The following GGA2 variants were observed in gnomAD, a reference collection of about 807,000 sequenced individuals.
GGA2 encodes golgi associated, gamma adaptin ear containing, ARF binding protein 2.
GGA2 carries 48 observed loss-of-function variants against 79.5 expected under a neutral mutation model. The observed-to-expected ratio is 0.60, with a 90% CI of 0.48 to 0.77. The LOEUF is 0.77. GGA2 is among the 30% of genes least tolerant of loss of function. GGA2 has a pLI of 0.00. For synonymous variants in GGA2, 317 were observed against 302.0 expected, an observed-to-expected ratio of 1.05 and a Z score of -0.51; for missense variants, 770 against 774.0, an observed-to-expected ratio of 0.99 and a Z score of 0.06.
Position 23,465,499 on chromosome 16 carries a change from T to A in GGA2, c.*2091A>T. 1.4e-6 allele frequency: 1 copy of A among 691,530 alleles called. No individual in the cohort carries two copies. Among genetic ancestry groups the A allele is most frequent in the Non-Finnish European group, 2.6e-6 (1 of 378,906 alleles). The allele number at this position is 691,530 out of a possible 1,614,324, so 42.8% of individuals were successfully genotyped here. A position where few individuals can be genotyped will look rare whatever the true frequency, so the allele number is the denominator to read the frequency against. On this transcript the variant is annotated 3_prime_UTR_variant, in exon 17 of 17. Transcript: ENST00000309859. The stretch of plus-strand genomic sequence containing the variant: ...AAGCAAGAATGTTCAGGTACACATG[T>A]GTGAGTTCACCTCCTAACTATAGGG...
chr16:23,491,699 A>G lies in GGA2; in HGVS notation c.453T>C (p.Ala151=), dbSNP rs1338291396. 6.2e-7 allele frequency: 1 copy of G among 1,613,144 alleles called. No individual in the cohort carries two copies. The highest frequency in any genetic ancestry group is 1.7e-5 in the Admixed American group (1 of 60,016). ...WFPEDIKIRD[A]YQMLKKQGII... is the part of the protein sequence containing the mutation. Reference sequence around the variant, plus strand: ...GACCTTGTTTCTTCAGCATCTGATAAGCGTCTCGAATCTTGATGTCTTCCG... The same window carrying G: ...GACCTTGTTTCTTCAGCATCTGATAGGCGTCTCGAATCTTGATGTCTTCCG... The change falls in exon 5 of 17, where the codon GCT becomes GCC. Residue 151 remains alanine (A), a synonymous_variant. Coordinates refer to ENST00000309859, the MANE Select transcript of GGA2 (RefSeq NM_015044.4).
intron 6 of GGA2, 75 bp from the exon 7 acceptor site, chr16:23,486,865 A>G (rs1198285521): frequency 1.2e-6 from 1 of 860,376 alleles, no homozygotes. Flanking sequence ...CAGCAACAGA[A>G]GAGTTAACAC....
rs1964557913 is a variant in GGA2, at chr16:23,474,921, A to C, written c.1433T>G (p.Leu478Trp). The change falls in exon 14 of 17, where the codon TTG (leucine) becomes TGG (tryptophan). Residue 478 changes from leucine (L) to tryptophan (W), a missense_variant. Coordinates refer to ENST00000309859, the MANE Select transcript of GGA2 (RefSeq NM_015044.4). ...NTPLAQVFVP[L>W]ESVKPSSLPP... is the part of the protein sequence containing the mutation. ...GTACTTACTGGGCTTAACAGACTCC[A>C]AAGGGACAAACACTTGAGCCAGAGG... is the stretch of plus-strand genomic sequence containing the variant. 2 of 1,612,968 alleles carry C rather than the reference A, an allele frequency of 1.2e-6. No individual in the cohort carries two copies. Among genetic ancestry groups the C allele is most frequent in the African/African-American group, 2.7e-5 (2 of 74,840 alleles).
chr16:23,522,446 G>C (rs1326562518), upstream of GGA2: 1 of 152,250 alleles, frequency 6.6e-6, no homozygotes, highest in Non-Finnish European at 1.5e-5. Flanking sequence ...CCTGTAGCTA[G>C]TTCCTGTCTT....
Position 23,474,950 on chromosome 16 carries a change from A to G in GGA2, c.1404T>C (p.Asn468=). 1 of 1,613,354 alleles carries G rather than the reference A, an allele frequency of 6.2e-7. No individual in the cohort carries two copies. Among genetic ancestry groups the G allele is most frequent in the Non-Finnish European group, 8.5e-7 (1 of 1,179,356 alleles). The part of the protein sequence containing the change: ...GPLAPSPSSQ[N]TPLAQVFVPL... ...GGACAAACACTTGAGCCAGAGGTGTATTCTGTGAAGATGGGGAAGGAGCCA... is the reference window on the plus strand; with the variant it reads ...GGACAAACACTTGAGCCAGAGGTGTGTTCTGTGAAGATGGGGAAGGAGCCA... Residue 468 remains asparagine (N), a synonymous_variant, in exon 14 of 17, where the codon AAT becomes AAC. Transcript: ENST00000309859.
chr16:23,486,698 A>T lies in GGA2; in HGVS notation c.660+12T>A. 6.6e-7 allele frequency: 1 copy of T among 1,510,476 alleles called. No homozygotes were observed. The highest frequency in any genetic ancestry group is 9.2e-7 in the Non-Finnish European group (1 of 1,085,186). 93.6% of individuals were successfully genotyped at this position (1,510,476 alleles called of 1,614,324 possible). A position where few individuals can be genotyped will look rare whatever the true frequency, so the allele number is the denominator to read the frequency against. On this transcript the variant is annotated intron_variant, in intron 7 of 16. Coordinates refer to ENST00000309859, the MANE Select transcript of GGA2 (RefSeq NM_015044.4). The stretch of plus-strand genomic sequence containing the variant: ...ATGCTACTTCTACTGAACCAACTGG[A>T]AGAATGCCCACCTCCTTGACCAAAT...
chr16:23,496,638 G>A (rs1309820465), intron 1 of GGA2, among the ~76,000 whole-genome samples: 2 of 152,060 alleles, frequency 1.3e-5, no homozygotes, highest in African/African-American at 2.4e-5. Context: ...GGGCAACATG[G>A]GGAAATCACA....
intron 8 of GGA2, among the ~76,000 whole-genome samples, chr16:23,483,700 G>A (rs568751179): frequency 1.3e-5 from 2 of 152,046 alleles, no homozygotes; most frequent in African/African-American, 2.4e-5. Flanking sequence ...AGGCTGGAGT[G>A]CAATGGTGTG....
intron 1 of GGA2, among the ~76,000 whole-genome samples, chr16:23,503,639 T>C (rs903571410): frequency 2.9e-4 from 44 of 152,354 alleles, no homozygotes; most frequent in African/African-American, 9.6e-4. Context: ...TGAAAACCTA[T>C]ACACAAGAAC....
At chr16:23,521,745 C>A (rs1406276251) in intron 1 of GGA2, 1 of 449,836 alleles carries the variant, frequency 2.2e-6, no homozygotes, top group Non-Finnish European at 4.4e-6. Context: ...GTAGATATAC[C>A]AGAATCGACT....
upstream of GGA2, chr16:23,510,555 C>A: frequency 2.6e-6 from 1 of 389,558 alleles, no homozygotes; most frequent in Non-Finnish European, 4.5e-6. Context: ...CACCCCAGGC[C>A]CCCCCTCCAC....
chr16:23,522,935 T>G (rs1965163488), upstream of GGA2: 1 of 152,190 alleles, frequency 6.6e-6, no homozygotes, highest in Non-Finnish European at 1.5e-5. Flanking sequence ...CTCGATCCCT[T>G]GTCATGTGGA....
At chr16:23,488,473 T>C in intron 6 of GGA2, 133 bp downstream of exon 6, 1 of 696,494 alleles carries the variant, frequency 1.4e-6, no homozygotes, top group Middle Eastern at 2.7e-4. Flanking sequence ...GCTACCTCAC[T>C]CCTAAGGGCC....
chr16:23,496,082 T>G (rs1391745993), intron 1 of GGA2, among the ~76,000 whole-genome samples: 1 of 152,032 alleles, frequency 6.6e-6, no homozygotes, highest in Non-Finnish European at 1.5e-5. Flanking sequence ...GGGGGAATCA[T>G]TTGAGGTCAG....
chr16:23,524,234 G>T, upstream of GGA2: 1 of 756,826 alleles, frequency 1.3e-6, no homozygotes, highest in Non-Finnish European at 2.3e-6. Flanking sequence ...GCACTTGTGT[G>T]CAGTCAGAGA....
chr16:23,467,753 A>G (rs980535056), intron 16 of GGA2, 53 bp from the exon 17 acceptor site: 2 of 864,420 alleles, frequency 2.3e-6, no homozygotes, highest in Non-Finnish European at 4.0e-6. Flanking sequence ...ACCCAGGAAC[A>G]GGGGTCAATG....
At chr16:23,469,079 T>G (rs1964477222) in intron 15 of GGA2, 83 bp from the exon 16 acceptor site, 1 of 839,342 alleles carries the variant, frequency 1.2e-6, no homozygotes, top group Non-Finnish European at 2.0e-6. Context: ...GAGCTGGACC[T>G]CCCCAACACC....
At chr16:23,502,384 T>G (rs956394097) in intron 1 of GGA2, among the ~76,000 whole-genome samples, 1 of 152,204 alleles carries the variant, frequency 6.6e-6, no homozygotes, top group South Asian at 2.1e-4. Context: ...GTCTTGGGAT[T>G]GTTAGGGGAG....
At chr16:23,507,023 G>C (rs777834866) in intron 1 of GGA2, among the ~76,000 whole-genome samples, 1 of 152,012 alleles carries the variant, frequency 6.6e-6, no homozygotes, top group Non-Finnish European at 1.5e-5. Flanking sequence ...GGGCTCACAT[G>C]TCCCCCTCTC....
Sources: allele counts gnomAD v4.1 joint callset (sites outside exome capture counted in the v4.1 genomes callset), GRCh38; gene constraint gnomAD v4.1.1; transcripts MANE v1.5; gene names NCBI Gene and HGNC (gene_info 2026-07-23, HGNC 2026-07-21).